The following PTK2 variants were observed in gnomAD, a reference collection of about 807,000 sequenced individuals.
PTK2 encodes focal adhesion kinase 1.
Under a neutral mutation model 150.1 loss-of-function variants are expected in PTK2, and 45 were observed. The observed-to-expected ratio is 0.30, with a 90% confidence interval of 0.24 to 0.38. The LOEUF is 0.38. PTK2 is among the 10% of genes least tolerant of loss of function. The probability of loss-of-function intolerance (pLI) is 1.00; values close to 1 mark genes in which losing one functional copy is unlikely to be tolerated. For synonymous variants in PTK2, 432 were observed against 449.2 expected (o/e 0.96, Z 0.48); for missense variants, 919 against 1,307.3 (o/e 0.70, Z 4.58).
intron 1 of PTK2, among the ~76,000 whole-genome samples, chr8:140,973,056 T>C (rs1203431694): frequency 2.0e-5 from 3 of 152,230 alleles, no homozygotes; most frequent in African/African-American, 7.2e-5. Flanking sequence ...TTTTTCAGTT[T>C]CGTGGTAAAT....
At chr8:140,697,527 G>A (rs1016537436) in intron 26 of PTK2, among the ~76,000 whole-genome samples, 1 of 151,474 alleles carries the variant, frequency 6.6e-6, no homozygotes, top group Non-Finnish European at 1.5e-5. Flanking sequence ...TGCAACCTCC[G>A]CCTCCCGGGT....
chr8:140,725,142 T>G (rs1592284917), intron 22 of PTK2, among the ~76,000 whole-genome samples: 1 of 148,936 alleles, frequency 6.7e-6, no homozygotes, highest in East Asian at 2.0e-4. Context: ...TTTATTTTTT[T>G]CTATTTTTTG....
intron 14 of PTK2, among the ~76,000 whole-genome samples, chr8:140,769,233 T>C (rs1233361951): frequency 1.3e-5 from 2 of 152,182 alleles, no homozygotes; most frequent in Non-Finnish European, 2.9e-5. Context: ...ATACCACACT[T>C]GGGAAACAGA....
exon 9 of PTK2, chr8:140,818,980 T>C: frequency 6.2e-7 from 1 of 1,613,548 alleles, no homozygotes; most frequent in Non-Finnish European, 8.5e-7. Flanking sequence ...GTTGGCAAAT[T>C]GTCTAAATGT....
At chr8:140,741,558 A>G (rs1010903258) in intron 20 of PTK2, among the ~76,000 whole-genome samples, 2 of 152,090 alleles carry the variant, frequency 1.3e-5, no homozygotes, top group Non-Finnish European at 2.9e-5. Context: ...GAATAGTTAT[A>G]AGATTAAAAT....
At position 140,680,967 on chromosome 8, in the gene PTK2, C is replaced by A. The variant is rs576412528; in HGVS notation, c.2563-5468G>T. Among the ~76,000 whole-genome samples the A allele has an allele frequency of 2.6e-5, 4 of 152,340 alleles. No individual in the cohort carries two copies. In the East Asian group the frequency reaches 7.7e-4, roughly 29 times the overall value. ...AAACTTTAACTCCGTAAGTCTGCTACCTGACAGGCACAGCAAATGTTTAAG... is the reference window on the plus strand; with the variant it reads ...AAACTTTAACTCCGTAAGTCTGCTAACTGACAGGCACAGCAAATGTTTAAG... On this transcript the variant is annotated intron_variant, in intron 27 of 31. Coordinates refer to ENST00000522684, the Ensembl canonical transcript of PTK2.
chr8:140,839,472 A>T (rs1460461942), intron 7 of PTK2, among the ~76,000 whole-genome samples: 1 of 152,232 alleles, frequency 6.6e-6, no homozygotes, highest in African/African-American at 2.4e-5. Flanking sequence ...CTATGCATAA[A>T]AACTTGAAGA....
At chr8:140,679,003 G>GTTTTTTTTTTATTTTT (rs2100015516) in intron 27 of PTK2, among the ~76,000 whole-genome samples, 1 of 68,988 alleles carries the variant, frequency 1.4e-5, no homozygotes, top group African/African-American at 6.4e-5. Flanking sequence ...TGCTCCCCAT[G>GTTTTTTTTTTATTTTT]TTTTTTTTTT....
chr8:140,706,197 T>C lies in PTK2; in HGVS notation c.2151A>G (p.Arg717=), dbSNP rs141615706. The stretch of plus-strand genomic sequence containing the variant: ...TGGACCTCGGACTGGGATAACCCGG[T>C]CTGCTGGGCTGTAAAATCAAGAGAG... The change falls in exon 24 of 32, where the codon AGA becomes AGG. Residue 717 remains arginine (R), a synonymous_variant. Coordinates refer to ENST00000522684, the Ensembl canonical transcript of PTK2. 1.2e-5 allele frequency: 20 copies of C among 1,612,250 alleles called. No homozygotes were observed. In the African/African-American group the frequency reaches 2.7e-4, roughly 22 times the overall value.
chr8:140,690,366 A>C (rs544631658), intron 26 of PTK2, among the ~76,000 whole-genome samples: 1 of 152,176 alleles, frequency 6.6e-6, no homozygotes, highest in South Asian at 2.1e-4. Flanking sequence ...GGCCTCAAGC[A>C]ATCATCCGCC....
chr8:140,747,705 AG>A (rs1460866036), intron 17 of PTK2, among the ~76,000 whole-genome samples: 1 of 59,324 alleles, frequency 1.7e-5, no homozygotes, highest in Non-Finnish European at 3.1e-5. Flanking sequence ...AGGGAGGAGG[AG>A]GGGGAGGAAG....
rs1555496256 is a variant in PTK2 at position 140,982,081 on chromosome 8, A to AC, written c.-122+19043_-122+19044insG. On this transcript the variant is annotated intron_variant, in intron 1 of 31. Transcript: ENST00000522684. ...CAACTCAATAAAAAAAAAAAAAAAA[A>AC]AATGACTCAGTTAAAAACAGACATG... is the stretch of plus-strand genomic sequence containing the variant. 8.1e-3 allele frequency among the ~76,000 whole-genome samples: 1,181 copies of AC among 146,618 alleles called. 10 individuals are homozygous for AC. The highest frequency in any genetic ancestry group is 0.016 in the African/African-American group (663 of 40,320).
At chr8:140,892,070 T>TG (rs1180553977) in intron 2 of PTK2, among the ~76,000 whole-genome samples, 1 of 152,186 alleles carries the variant, frequency 6.6e-6, no homozygotes, top group East Asian at 1.9e-4. Flanking sequence ...AGCTTGGGCG[T>TG]GGTAGCGTGT....
At chr8:140,932,177 G>A (rs1426625399) in intron 1 of PTK2, among the ~76,000 whole-genome samples, 3 of 152,030 alleles carry the variant, frequency 2.0e-5, no homozygotes, top group African/African-American at 7.2e-5. Context: ...ACATAATCAC[G>A]CAATTTTTAA....
chr8:140,779,850 C>T (rs148916779), intron 14 of PTK2, among the ~76,000 whole-genome samples: 2 of 152,208 alleles, frequency 1.3e-5, no homozygotes, highest in Non-Finnish European at 2.9e-5. Flanking sequence ...CTATTCTTCT[C>T]CTTGGGCATG....
At chr8:140,904,872 CTT>C (rs2100160240) in intron 2 of PTK2, among the ~76,000 whole-genome samples, 1 of 151,800 alleles carries the variant, frequency 6.6e-6, no homozygotes, top group Non-Finnish European at 1.5e-5. Flanking sequence ...TATTGTGTCT[CTT>C]TGATTCTTCT....
intron 17 of PTK2, 39 bp from the exon 21 acceptor site, chr8:140,746,899 T>C (rs1565545554): frequency 3.5e-6 from 5 of 1,419,176 alleles, no homozygotes; most frequent in Non-Finnish European, 4.8e-6. Context: ...TTTCTTTTTT[T>C]TTTTTTTTTT....
intron 22 of PTK2, among the ~76,000 whole-genome samples, chr8:140,719,906 A>C (rs1293172950): frequency 2.1e-5 from 3 of 141,952 alleles, no homozygotes; most frequent in South Asian, 2.2e-4. Flanking sequence ...AAAAAAAAAA[A>C]AAAAAAAATC....
intron 4 of PTK2, among the ~76,000 whole-genome samples, chr8:140,872,759 A>G (rs2100143272): frequency 6.6e-6 from 1 of 152,226 alleles, no homozygotes; most frequent in African/African-American, 2.4e-5. Flanking sequence ...TGGTCTTAAC[A>G]TGTGTTCCCA....
Sources: allele counts gnomAD v4.1 joint callset (sites outside exome capture counted in the v4.1 genomes callset), GRCh38; gene constraint gnomAD v4.1.1; transcripts MANE v1.5; gene names NCBI Gene and HGNC (gene_info 2026-07-23, HGNC 2026-07-21).